PHF14: variants seen among roughly 807,000 people sequenced by gnomAD.
The protein encoded by PHF14 is PHD finger protein 14.
In PHF14, 55 loss-of-function variants were observed where a neutral mutation model predicts 117.9. The observed-to-expected ratio is 0.47, with a 90% CI of 0.38 to 0.58. The LOEUF is 0.58. Ranked by LOEUF, PHF14 falls within the 20% of genes least tolerant of loss-of-function variation. PHF14 has a pLI of 0.00. For synonymous variants in PHF14, 409 were observed against 368.6 expected (o/e 1.11, Z -1.26); for missense variants, 978 against 1,122.2 (o/e 0.87, Z 1.84).
intron 4 of PHF14, 86 bp downstream of exon 4, chr7:10,990,933 A>AACCGAAACACCATGAAATAT: frequency 3.3e-6 from 3 of 901,158 alleles, no homozygotes; most frequent in Non-Finnish European, 4.9e-6. Context: ...ACAATATTTC[A>AACCGAAACACCATGAAATAT]TGGTGTTTCG....
intron 4 of PHF14, among the ~76,000 whole-genome samples, chr7:10,995,724 A>G (rs1782620319): frequency 6.6e-6 from 1 of 152,154 alleles, no homozygotes. Flanking sequence ...CCCGGCGAGA[A>G]TTTGAGAGCA....
At chr7:11,119,440 A>G (rs1487833044) in intron 17 of PHF14, among the ~76,000 whole-genome samples, 1 of 151,834 alleles carries the variant, frequency 6.6e-6, no homozygotes, top group African/African-American at 2.4e-5. Flanking sequence ...GGTGTGGAAT[A>G]TATTAATTAT....
At chr7:11,044,947 T>G (rs530064149) in intron 13 of PHF14, among the ~76,000 whole-genome samples, 2 of 152,188 alleles carry the variant, frequency 1.3e-5, no homozygotes, top group African/African-American at 2.4e-5. Context: ...ATGAACATTT[T>G]CTTTGACTGT....
At chr7:11,093,524 C>T (rs1426113402) in intron 16 of PHF14, among the ~76,000 whole-genome samples, 1 of 152,138 alleles carries the variant, frequency 6.6e-6, no homozygotes, top group African/African-American at 2.4e-5. Context: ...GTTGTAATGC[C>T]AGAGTGCTTT....
At chr7:11,126,937 T>C (rs1471011289) in intron 17 of PHF14, among the ~76,000 whole-genome samples, 1 of 152,048 alleles carries the variant, frequency 6.6e-6, no homozygotes, top group African/African-American at 2.4e-5. Flanking sequence ...CTCTTACGTT[T>C]TTATTGTGAT....
intron 16 of PHF14, among the ~76,000 whole-genome samples, chr7:11,090,008 T>A (rs1786583979): frequency 6.6e-6 from 1 of 152,194 alleles, no homozygotes; most frequent in African/African-American, 2.4e-5. Flanking sequence ...TGACCTCAGG[T>A]GATTCGCCCG....
At chr7:10,975,571 G>A (rs568777060) in intron 2 of PHF14, among the ~76,000 whole-genome samples, 1 of 152,156 alleles carries the variant, frequency 6.6e-6, no homozygotes, top group Admixed American at 6.5e-5. Flanking sequence ...AGAAAAGTAT[G>A]ATTTTCCTTT....
chr7:10,991,108 A>G (rs571273412), intron 4 of PHF14, among the ~76,000 whole-genome samples: 42 of 151,694 alleles, frequency 2.8e-4, no homozygotes, highest in African/African-American at 1.0e-3. Context: ...CTGCTGCCTC[A>G]GCCTCCTGGG....
At chr7:11,003,210 G>A (rs1382694013) in intron 4 of PHF14, among the ~76,000 whole-genome samples, 2 of 152,214 alleles carry the variant, frequency 1.3e-5, no homozygotes, top group Admixed American at 6.5e-5. Flanking sequence ...AAGTGCTGGT[G>A]CATATCTGTT....
intron 4 of PHF14, among the ~76,000 whole-genome samples, chr7:10,997,520 A>G (rs1004754802): frequency 1.3e-5 from 2 of 152,232 alleles, no homozygotes; most frequent in African/African-American, 4.8e-5. Context: ...ATTATTTCAC[A>G]TGATTTCTAA....
chr7:11,120,898 C>G (rs966270502), intron 17 of PHF14, among the ~76,000 whole-genome samples: 1 of 152,036 alleles, frequency 6.6e-6, no homozygotes, highest in African/African-American at 2.4e-5. Flanking sequence ...TTACTGACGA[C>G]ATATTTTAGT....
At chr7:11,064,817 T>C (rs1243225428) in intron 16 of PHF14, among the ~76,000 whole-genome samples, 2 of 152,074 alleles carry the variant, frequency 1.3e-5, no homozygotes, top group African/African-American at 4.8e-5. Flanking sequence ...TTAGCATTTC[T>C]GTGTCTTGGT....
chr7:10,980,835 G>T (rs1468568962), intron 2 of PHF14, among the ~76,000 whole-genome samples: 1 of 152,156 alleles, frequency 6.6e-6, no homozygotes, highest in Non-Finnish European at 1.5e-5. Context: ...GAAAATCTGA[G>T]AAATTATGAA....
chr7:11,151,877 C>G (rs1341894144), intron 17 of PHF14, among the ~76,000 whole-genome samples: 1 of 152,104 alleles, frequency 6.6e-6, no homozygotes, highest in Non-Finnish European at 1.5e-5. Flanking sequence ...AAGGTAATGA[C>G]AGAATTTTAT....
At chr7:10,986,991 C>G (rs1782246674) in intron 3 of PHF14, among the ~76,000 whole-genome samples, 1 of 151,862 alleles carries the variant, frequency 6.6e-6, no homozygotes, top group South Asian at 2.1e-4. Context: ...ATTTTTTTTC[C>G]ATAAAAGTCT....
At chr7:11,104,594 A>G (rs1457286465) in intron 16 of PHF14, 1 of 983,806 alleles carries the variant, frequency 1.0e-6, no homozygotes, top group South Asian at 4.7e-5. Flanking sequence ...GAAACATGAA[A>G]ATATCAGGAA....
Position 11,111,410 on chromosome 7 carries a change from T to C in PHF14, c.2715T>C (p.Ser905=). 1 of 1,609,244 alleles carries C rather than the reference T, an allele frequency of 6.2e-7. No homozygotes were observed. Among genetic ancestry groups the C allele is most frequent in the Non-Finnish European group, 8.5e-7 (1 of 1,177,102 alleles). ...FGCLDPPLKK[S]PKQTGYGWIC... Reference sequence around the variant, plus strand: ...GTTTGGATCCTCCTTTGAAAAAGTCTCCTAAACAGACAGGCTACGGATGGA... The same window carrying C: ...GTTTGGATCCTCCTTTGAAAAAGTCCCCTAAACAGACAGGCTACGGATGGA... Residue 905 remains serine (S), a synonymous_variant, in exon 17 of 18, where the codon TCT becomes TCC. Transcript: ENST00000634607.
intron 3 of PHF14, among the ~76,000 whole-genome samples, chr7:10,985,293 T>A (rs1273734031): frequency 6.6e-6 from 1 of 152,164 alleles, no homozygotes; most frequent in Non-Finnish European, 1.5e-5. Flanking sequence ...AAGTATATAT[T>A]TGATTATATT....
chr7:11,062,728 C>A, intron 16 of PHF14: 1 of 985,068 alleles, frequency 1.0e-6, no homozygotes, highest in Non-Finnish European at 1.2e-6. Flanking sequence ...CCCAACGGTC[C>A]AGAGGCTGCT....
Sources: allele counts gnomAD v4.1 joint callset (sites outside exome capture counted in the v4.1 genomes callset), GRCh38; gene constraint gnomAD v4.1.1; transcripts MANE v1.5; gene names NCBI Gene and HGNC (gene_info 2026-07-23, HGNC 2026-07-21).